Variants in SBF2 observed in about 807,000 individuals in gnomAD.
SBF2 encodes the protein SET binding factor 2.
SBF2 carries 112 observed loss-of-function variants against 225.2 expected under a neutral mutation model. The ratio of observed to expected loss-of-function variants is 0.50; its 90% CI spans 0.43 to 0.58. The LOEUF is 0.58. Among genes scored for constraint, SBF2 ranks in the 20% least tolerant of loss-of-function variants. SBF2 has a pLI of 0.00. For missense variants in SBF2, 1,996 were observed against 2,206.2 expected (o/e 0.90, Z 1.91); for synonymous variants, 763 against 773.3 (o/e 0.99, Z 0.22).
intron 13 of SBF2, among the ~76,000 whole-genome samples, chr11:9,977,262 C>G (rs367882660): frequency 6.6e-6 from 1 of 151,838 alleles, no homozygotes; most frequent in Non-Finnish European, 1.5e-5. Flanking sequence ...GGTAGGAGGA[C>G]TGCTTGAGGC....
At chr11:10,293,764 G>C (rs989105623) in intron 1 of SBF2, among the ~76,000 whole-genome samples, 1 of 152,168 alleles carries the variant, frequency 6.6e-6, no homozygotes, top group Admixed American at 6.5e-5. Context: ...ACTCGCCTCC[G>C]GCCCGCCCAG....
intron 2 of SBF2, among the ~76,000 whole-genome samples, chr11:10,177,767 C>T (rs1311312503): frequency 6.6e-6 from 1 of 150,798 alleles, no homozygotes; most frequent in East Asian, 2.0e-4. Context: ...GCCATACTGC[C>T]CAAGGTAATT....
intron 1 of SBF2, among the ~76,000 whole-genome samples, chr11:10,252,835 C>CAAAA (rs147297840): frequency 7.1e-6 from 1 of 141,084 alleles, no homozygotes; most frequent in Non-Finnish European, 1.6e-5. Flanking sequence ...AAAAAAAAAT[C>CAAAA]AAAAAAAAGA....
At chr11:9,975,476 G>A (rs575254613) in intron 13 of SBF2, among the ~76,000 whole-genome samples, 3 of 152,300 alleles carry the variant, frequency 2.0e-5, no homozygotes, top group South Asian at 2.1e-4. Context: ...TTGAGGTGGT[G>A]GGAAGATGTG....
intron 2 of SBF2, among the ~76,000 whole-genome samples, chr11:10,099,436 C>T (rs1233017844): frequency 6.6e-6 from 1 of 152,066 alleles, no homozygotes; most frequent in Non-Finnish European, 1.5e-5. Flanking sequence ...AAACAGTAAA[C>T]CTGCCTTACA....
rs565861003 is a variant in SBF2 at position 10,101,981 on chromosome 11, A to T, written c.142-59000T>A. Among the ~76,000 whole-genome samples, 5 of 152,128 alleles carry T rather than the reference A, an allele frequency of 3.3e-5. No individual in the cohort carries two copies. The South Asian group carries it at 8.3e-4, about 25-fold the overall frequency. ...CTTTGTCTTGTTTTATGTCCTTAAG[A>T]GCTTAACCTTGTGACCATGTGGTGA... is the stretch of plus-strand genomic sequence containing the variant. On this transcript the variant is annotated intron_variant, in intron 2 of 39. Coordinates refer to ENST00000256190, the MANE Select transcript of SBF2 (RefSeq NM_030962.4).
intron 32 of SBF2, among the ~76,000 whole-genome samples, chr11:9,803,729 T>C (rs1460050028): frequency 2.0e-5 from 3 of 152,182 alleles, no homozygotes; most frequent in Non-Finnish European, 4.4e-5. Flanking sequence ...TACAAGCTCA[T>C]TCCCCTGGAA....
chr11:10,178,841 T>G (rs1956595178), intron 2 of SBF2, among the ~76,000 whole-genome samples: 1 of 149,632 alleles, frequency 6.7e-6, no homozygotes. Flanking sequence ...ATCCCATTAC[T>G]GGGTATATAC....
In SBF2 at chr11:9,784,509, T is replaced by C. The variant is rs1852241737; in HGVS notation, c.5232-71A>G. On this transcript the variant is annotated intron_variant, in intron 37 of 39. Transcript: ENST00000256190. ...AAAATGCTGTAAAGGGGAGGGGATA[T>C]CTGTTGTTTTTGTCAAGTCTCTATT... 9 of 1,208,684 alleles carry C rather than the reference T, an allele frequency of 7.4e-6. No individual in the cohort carries two copies. In the Admixed American group the frequency reaches 1.6e-4, roughly 22 times the overall value. 74.9% of individuals were successfully genotyped at this position (1,208,684 alleles called of 1,614,324 possible).
chr11:10,256,303 T>C (rs933898768), intron 1 of SBF2, among the ~76,000 whole-genome samples: 2 of 152,226 alleles, frequency 1.3e-5, no homozygotes, highest in African/African-American at 4.8e-5. Context: ...ACTCTCTTTC[T>C]ACTACATGAT....
chr11:10,137,319 C>T (rs1275594306), intron 2 of SBF2, among the ~76,000 whole-genome samples: 1 of 152,168 alleles, frequency 6.6e-6, no homozygotes, highest in Non-Finnish European at 1.5e-5. Flanking sequence ...ATTGTCTATA[C>T]ACATAATGAT....
At chr11:9,873,205 CAAAAAAAAAAAAAAAA>C (rs56013344) in intron 17 of SBF2, among the ~76,000 whole-genome samples, 1 of 60,648 alleles carries the variant, frequency 1.6e-5, no homozygotes, top group Non-Finnish European at 2.7e-5. Flanking sequence ...GACTCTGTCT[CAAAAAAAAAAAAAAAA>C]AAAAAAAAAA....
At chr11:10,092,523 T>G (rs1951825790) in intron 2 of SBF2, among the ~76,000 whole-genome samples, 1 of 152,202 alleles carries the variant, frequency 6.6e-6, no homozygotes, top group African/African-American at 2.4e-5. Context: ...AAGGAGTATA[T>G]CATTAATCAT....
intron 1 of SBF2, among the ~76,000 whole-genome samples, chr11:10,277,626 G>A (rs1269960084): frequency 2.6e-5 from 4 of 152,174 alleles, no homozygotes; most frequent in Non-Finnish European, 5.9e-5. Flanking sequence ...TGCAGATATA[G>A]TTAAGGATCT....
intron 16 of SBF2, among the ~76,000 whole-genome samples, chr11:9,922,396 A>T (rs1863701669): frequency 6.6e-6 from 1 of 152,220 alleles, no homozygotes; most frequent in African/African-American, 2.4e-5. Context: ...ATATGCCAGT[A>T]CTTAATGGCT....
intron 32 of SBF2, among the ~76,000 whole-genome samples, chr11:9,799,955 T>C (rs1285416745): frequency 6.6e-6 from 1 of 152,220 alleles, no homozygotes; most frequent in East Asian, 1.9e-4. Flanking sequence ...AATAAGCTGT[T>C]GGCCGGGCAT....
intron 2 of SBF2, among the ~76,000 whole-genome samples, chr11:10,075,440 TTC>T: frequency 6.6e-6 from 1 of 152,306 alleles, no homozygotes; most frequent in South Asian, 2.1e-4. Context: ...TATGGTTTGG[TTC>T]TGTGTCCCCA....
At chr11:10,170,205 C>T (rs542203157) in intron 2 of SBF2, among the ~76,000 whole-genome samples, 4 of 152,124 alleles carry the variant, frequency 2.6e-5, no homozygotes, top group Non-Finnish European at 5.9e-5. Context: ...AGTCTTTGCC[C>T]AGTTCAGTGC....
chr11:10,168,529 T>A (rs1041903075), intron 2 of SBF2, among the ~76,000 whole-genome samples: 1 of 152,148 alleles, frequency 6.6e-6, no homozygotes, highest in Non-Finnish European at 1.5e-5. Flanking sequence ...GGAAACAGGC[T>A]GCTATGCGAG....
Sources: allele counts gnomAD v4.1 joint callset (sites outside exome capture counted in the v4.1 genomes callset), GRCh38; gene constraint gnomAD v4.1.1; transcripts MANE v1.5; gene names NCBI Gene and HGNC (gene_info 2026-07-23, HGNC 2026-07-21).